PLVAP: variants seen among roughly 807,000 people sequenced by gnomAD.
PLVAP encodes plasmalemma vesicle associated protein.
Under a neutral mutation model 43.1 loss-of-function variants are expected in PLVAP, and 34 were observed. The ratio of observed to expected loss-of-function variants is 0.79; its 90% CI spans 0.60 to 1.05. The LOEUF (loss-of-function observed/expected upper bound fraction) is 1.05, where lower values mean the gene tolerates loss of function less well. Among genes scored for constraint, PLVAP ranks in the 50% least tolerant of loss-of-function variants. PLVAP has a pLI of 0.00. For missense variants in PLVAP, 574 were observed against 593.4 expected (o/e 0.97, Z 0.34); for synonymous variants, 241 against 237.3 (o/e 1.02, Z -0.14).
rs907497162 is a variant in PLVAP, at chr19:17,351,973, C to G, written c.*389G>C. 2.4e-5 allele frequency: 7 copies of G among 295,760 alleles called. No individual in the cohort carries two copies. Among genetic ancestry groups the G allele is most frequent in the African/African-American group, 1.5e-4 (7 of 46,394 alleles). 18.3% of individuals were successfully genotyped at this position (295,760 alleles called of 1,614,324 possible). A position where few individuals can be genotyped will look rare whatever the true frequency, so the allele number is the denominator to read the frequency against. ...TTAATATGTGTGACGTCGACATGGC[C>G]CGTGACGTCGTTGCTGCATCTCGGT... is the stretch of plus-strand genomic sequence containing the variant. On this transcript the variant is annotated 3_prime_UTR_variant, in exon 6 of 6. Coordinates refer to ENST00000252590, the MANE Select transcript of PLVAP (RefSeq NM_031310.3).
chr19:17,354,098 T>G (rs2145716655), intron 5 of PLVAP, among the ~76,000 whole-genome samples: 1 of 152,072 alleles, frequency 6.6e-6, no homozygotes, highest in Non-Finnish European at 1.5e-5. Context: ...AAAACCAGCC[T>G]GGCCAATGTG....
chr19:17,369,169 C>A (rs529226319), intron 1 of PLVAP, among the ~76,000 whole-genome samples: 1 of 151,658 alleles, frequency 6.6e-6, no homozygotes, highest in Non-Finnish European at 1.5e-5. Context: ...TTAAAAAAAA[C>A]CTTTTTTTGT....
intron 1 of PLVAP, among the ~76,000 whole-genome samples, chr19:17,366,768 A>G (rs1486785640): frequency 2.0e-5 from 3 of 151,550 alleles, no homozygotes; most frequent in African/African-American, 7.3e-5. Context: ...AGCAGCTGAG[A>G]TTACAGGTGG....
At chr19:17,368,064 A>ATTTTTT (rs34115667) in intron 1 of PLVAP, among the ~76,000 whole-genome samples, 1 of 76,032 alleles carries the variant, frequency 1.3e-5, no homozygotes, top group Non-Finnish European at 2.3e-5. Context: ...TGCCCGGCTA[A>ATTTTTT]TTTTTTTTTT....
chr19:17,354,032 G>A (rs1265114403), intron 5 of PLVAP, among the ~76,000 whole-genome samples: 1 of 152,198 alleles, frequency 6.6e-6, no homozygotes. Context: ...GCTCATGCCT[G>A]TAATCCCAGC....
intron 3 of PLVAP, 23 bp downstream of exon 3, chr19:17,365,263 C>T: frequency 6.3e-7 from 1 of 1,588,736 alleles, no homozygotes; most frequent in Non-Finnish European, 8.6e-7. Flanking sequence ...ACTGCAGCCT[C>T]CCTCTGGGGC....
intron 1 of PLVAP, among the ~76,000 whole-genome samples, chr19:17,374,023 A>T (rs1380930297): frequency 6.6e-6 from 1 of 152,080 alleles, no homozygotes; most frequent in African/African-American, 2.4e-5. Context: ...TTAGCCGGGC[A>T]TGGTGGGGCG....
chr19:17,355,092 C>T (rs1271049305), intron 5 of PLVAP, among the ~76,000 whole-genome samples: 4 of 141,070 alleles, frequency 2.8e-5, no homozygotes, highest in Admixed American at 7.1e-5. Context: ...AGGCTGGTGG[C>T]GGGCACCTGT....
rs566346502 is a variant in PLVAP at position 17,370,861 on chromosome 19, C to A, written c.370-4666G>T. On this transcript the variant is annotated intron_variant, in intron 1 of 5. Transcript: ENST00000252590. ...CACGAGGTCAGGAGATCTAGACCAT[C>A]CTGGCTAACACGGTGAAACCCCATC... Among the ~76,000 whole-genome samples the A allele has an allele frequency of 1.1e-4, 16 of 152,086 alleles. No individual in the cohort carries two copies. The South Asian group carries it at 3.3e-3, about 32-fold the overall frequency.
At chr19:17,370,001 TAAAAAAAAAAAA>T (rs763532839) in intron 1 of PLVAP, among the ~76,000 whole-genome samples, 3 of 88,794 alleles carry the variant, frequency 3.4e-5, no homozygotes, top group Non-Finnish European at 6.7e-5. Flanking sequence ...AGAGTCTGTC[TAAAAAAAAAAAA>T]AAAAAAAAAA....
chr19:17,360,916 T>TTTTC, intron 3 of PLVAP, 84 bp from the exon 4 acceptor site: 11 of 462,158 alleles, frequency 2.4e-5, no homozygotes, highest in Admixed American at 7.2e-5. Flanking sequence ...TTCTTTTTCT[T>TTTTC]TTTTTTTTTT....
intron 1 of PLVAP, among the ~76,000 whole-genome samples, chr19:17,374,782 T>C (rs893391719): frequency 6.6e-6 from 1 of 151,092 alleles, no homozygotes; most frequent in Non-Finnish European, 1.5e-5. Flanking sequence ...TGTGCCACCA[T>C]GCCTGACTAA....
chr19:17,366,264 A>G (rs2074549899), intron 1 of PLVAP, 69 bp from the exon 2 acceptor site: 2 of 1,493,514 alleles, frequency 1.3e-6, no homozygotes, highest in South Asian at 2.3e-5. Context: ...GCCTGGACCC[A>G]GATCGAGCAC....
intron 3 of PLVAP, among the ~76,000 whole-genome samples, chr19:17,361,764 A>T (rs570620215): frequency 6.6e-6 from 1 of 151,864 alleles, no homozygotes; most frequent in Non-Finnish European, 1.5e-5. Context: ...TCTTGACCCA[A>T]CCTCTATGAA....
chr19:17,355,063 A>G (rs762350933), intron 5 of PLVAP, among the ~76,000 whole-genome samples: 32 of 149,990 alleles, frequency 2.1e-4, no homozygotes, highest in Non-Finnish European at 3.6e-4. Flanking sequence ...CTCTACTAAA[A>G]ATACAAAAAA....
intron 3 of PLVAP, 142 bp from the exon 4 acceptor site, chr19:17,360,974 G>A (rs1466215396): frequency 1.3e-6 from 1 of 745,962 alleles, no homozygotes; most frequent in Non-Finnish European, 2.1e-6. Context: ...GAGTGCAGTG[G>A]TGTGATCTTG....
intron 1 of PLVAP, among the ~76,000 whole-genome samples, chr19:17,371,348 A>G (rs1028707018): frequency 6.6e-6 from 1 of 151,194 alleles, no homozygotes; most frequent in Non-Finnish European, 1.5e-5. Context: ...TTTAGTAGAG[A>G]CGGGGTTGCA....
chr19:17,367,209 C>T (rs1405083509), intron 1 of PLVAP, among the ~76,000 whole-genome samples: 1 of 151,352 alleles, frequency 6.6e-6, no homozygotes, highest in African/African-American at 2.4e-5. Context: ...CCTCCCAGCC[C>T]TGAATTTTTT....
intron 1 of PLVAP, among the ~76,000 whole-genome samples, chr19:17,370,953 G>A (rs1243197645): frequency 6.6e-6 from 1 of 151,390 alleles, no homozygotes; most frequent in Non-Finnish European, 1.5e-5. Flanking sequence ...CTACTCGGGA[G>A]GCTGAGGCAG....
Sources: gnomAD v4.1 joint callset for allele counts (sites outside exome capture counted in the v4.1 genomes callset) on GRCh38, gnomAD v4.1.1 for gene constraint, MANE v1.5 for transcripts, NCBI Gene and HGNC (gene_info 2026-07-23, HGNC 2026-07-21) for gene names.